The following CCDC3 variants were observed in gnomAD, a reference collection of about 807,000 sequenced individuals.
CCDC3 encodes coiled-coil domain containing 3.
CCDC3 carries 24 observed loss-of-function variants against 21.4 expected under a neutral mutation model. The observed-to-expected ratio is 1.12, with a 90% confidence interval of 0.81 to 1.58. The LOEUF (loss-of-function observed/expected upper bound fraction) is 1.58. Ranked by LOEUF, CCDC3 falls within the 40% of genes most tolerant of loss-of-function variation. CCDC3 has a pLI of 0.00. For synonymous variants in CCDC3, 186 were observed against 166.0 expected, an observed-to-expected ratio of 1.12 and a Z score of -0.93; for missense variants, 425 against 360.9, an observed-to-expected ratio of 1.18 and a Z score of -1.44.
chr10:12,978,857 T>C (rs565980308), intron 2 of CCDC3, among the ~76,000 whole-genome samples: 1 of 152,314 alleles, frequency 6.6e-6, no homozygotes, highest in Admixed American at 6.5e-5. Flanking sequence ...CTTCATTTTT[T>C]AATATGCGTG....
At chr10:12,959,876 A>G (rs1279385016) in intron 2 of CCDC3, among the ~76,000 whole-genome samples, 2 of 152,140 alleles carry the variant, frequency 1.3e-5, no homozygotes, top group Non-Finnish European at 2.9e-5. Context: ...TTTCCTGGCC[A>G]GACACAGTGG....
intron 5 of CCDC3, among the ~76,000 whole-genome samples, chr10:13,027,793 AG>A (rs1031827374): frequency 2.6e-5 from 4 of 152,286 alleles, no homozygotes; most frequent in African/African-American, 9.6e-5. Context: ...CGACCTTACA[AG>A]GTGACTACTA....
chr10:13,070,045 A>C (rs1836864332), intron 4 of CCDC3, among the ~76,000 whole-genome samples: 1 of 152,224 alleles, frequency 6.6e-6, no homozygotes, highest in African/African-American at 2.4e-5. Flanking sequence ...TGAAATGTTT[A>C]TGAATATCAA....
chr10:13,098,352 C>T (rs1832657355), intron 3 of CCDC3, among the ~76,000 whole-genome samples: 1 of 152,108 alleles, frequency 6.6e-6, no homozygotes, highest in South Asian at 2.1e-4. Flanking sequence ...GTCTCCCTCT[C>T]ACCCAAGCTG....
intron 2 of CCDC3, among the ~76,000 whole-genome samples, chr10:12,928,418 T>C (rs1186379799): frequency 6.6e-6 from 1 of 152,204 alleles, no homozygotes; most frequent in Non-Finnish European, 1.5e-5. Flanking sequence ...TCCAACCGTT[T>C]TAGGAATTAC....
intron 2 of CCDC3, among the ~76,000 whole-genome samples, chr10:12,923,758 G>A (rs906206972): frequency 6.6e-6 from 1 of 152,184 alleles, no homozygotes; most frequent in Non-Finnish European, 1.5e-5. Flanking sequence ...CCGTCTCCAT[G>A]CCTGGAACTG....
intron 2 of CCDC3, among the ~76,000 whole-genome samples, chr10:12,981,073 A>G (rs1835489820): frequency 1.3e-5 from 2 of 150,016 alleles, no homozygotes; most frequent in Non-Finnish European, 2.9e-5. Flanking sequence ...GGGTCTTGCT[A>G]TGTTGCCCAG....
chr10:12,978,405 T>C (rs763315497), intron 2 of CCDC3, among the ~76,000 whole-genome samples: 5 of 152,226 alleles, frequency 3.3e-5, no homozygotes, highest in Non-Finnish European at 7.3e-5. Flanking sequence ...TTCACAGAAA[T>C]GTGCTACTAC....
At chr10:13,017,918 C>T (rs1180721209) in intron 5 of CCDC3, among the ~76,000 whole-genome samples, 1 of 151,960 alleles carries the variant, frequency 6.6e-6, no homozygotes, top group East Asian at 1.9e-4. Context: ...CTCTGAAACA[C>T]CTTCAATTAA....
chr10:12,900,994 AAG>A (rs995729012), intron 2 of CCDC3, among the ~76,000 whole-genome samples: 8 of 152,134 alleles, frequency 5.3e-5, no homozygotes, highest in Non-Finnish European at 8.8e-5. Context: ...ACCCTGACCT[AAG>A]AGAACTGCCC....
intron 4 of CCDC3, among the ~76,000 whole-genome samples, chr10:13,073,384 G>T (rs1836910483): frequency 6.7e-6 from 1 of 150,256 alleles, no homozygotes; most frequent in Non-Finnish European, 1.5e-5. Flanking sequence ...CACAGACACA[G>T]GGAACTGTTT....
intron 2 of CCDC3, among the ~76,000 whole-genome samples, chr10:12,951,678 G>A (rs150771728): frequency 3.4e-4 from 51 of 151,928 alleles, no homozygotes; most frequent in African/African-American, 1.2e-3. Context: ...GATGGCATGC[G>A]CCTGTAGTCC....
intron 2 of CCDC3, among the ~76,000 whole-genome samples, chr10:12,951,361 A>T (rs1315988684): frequency 1.3e-5 from 2 of 152,160 alleles, no homozygotes; most frequent in Admixed American, 6.5e-5. Flanking sequence ...CTCAAAAAAA[A>T]GTTTAAAACC....
chr10:12,988,441 G>C (rs1835631274), intron 2 of CCDC3, among the ~76,000 whole-genome samples: 1 of 151,986 alleles, frequency 6.6e-6, no homozygotes, highest in African/African-American at 2.4e-5. Context: ...CGGCCTCCAA[G>C]GTCTAAGCGA....
chr10:13,063,639 G>A (rs995065275), intron 4 of CCDC3, among the ~76,000 whole-genome samples: 4 of 152,138 alleles, frequency 2.6e-5, no homozygotes, highest in African/African-American at 4.8e-5. Context: ...AAACCCAGTC[G>A]CCTAGCGCCA....
intron 4 of CCDC3, among the ~76,000 whole-genome samples, chr10:13,069,989 T>C (rs1836864000): frequency 6.6e-6 from 1 of 152,180 alleles, no homozygotes; most frequent in Non-Finnish European, 1.5e-5. Flanking sequence ...ACTTTGGAGA[T>C]TGTGACATTA....
intron 2 of CCDC3, among the ~76,000 whole-genome samples, chr10:12,919,913 C>A (rs4750285): frequency 0.98 from 148,494 of 152,208 alleles, 72,539 homozygotes; most frequent in Non-Finnish European, 1. Context: ...CAGGGATGGG[C>A]AGTGACTTGG....
In CCDC3 at chr10:13,037,628, A is replaced by C. The variant is rs1836394545; in HGVS notation, c.-2+12046T>G. Among the ~76,000 whole-genome samples the C allele has an allele frequency of 3.3e-5, 5 of 152,188 alleles. No individual in the cohort carries two copies. In the South Asian group the frequency reaches 1.0e-3, roughly 32 times the overall value. ...TTCACCCCCCTCTGAATTTGGCTGC[A>C]AATTCATCTCTTAAGCTTTGAACCC... On this transcript the variant is annotated intron_variant, in intron 5 of 6. Coordinates refer to the CCDC3 transcript ENST00000378839.
intron 2 of CCDC3, among the ~76,000 whole-genome samples, chr10:12,956,558 A>G (rs1483410600): frequency 6.6e-6 from 1 of 152,190 alleles, no homozygotes; most frequent in Non-Finnish European, 1.5e-5. Context: ...TCTAGACTAT[A>G]TGATAATTAG....
Sources: gnomAD v4.1 joint callset for allele counts (sites outside exome capture counted in the v4.1 genomes callset) on GRCh38, gnomAD v4.1.1 for gene constraint, MANE v1.5 for transcripts, NCBI Gene and HGNC (gene_info 2026-07-23, HGNC 2026-07-21) for gene names.